The following PRKCSH variants were observed in gnomAD, a reference collection of about 807,000 sequenced individuals.
PRKCSH encodes glucosidase 2 subunit beta.
In PRKCSH, 42 loss-of-function variants were observed where a neutral mutation model predicts 79.7. The ratio of observed to expected loss-of-function variants is 0.53; its 90% CI spans 0.41 to 0.68. The LOEUF is 0.68. PRKCSH is among the 30% of genes least tolerant of loss of function. The pLI is 0.00. For missense variants in PRKCSH, 686 were observed against 709.0 expected (o/e 0.97, Z 0.37); for synonymous variants, 325 against 288.2 (o/e 1.13, Z -1.29).
rs200333191 is a variant in PRKCSH at position 11,448,958 on chromosome 19, C to G, written c.1331C>G (p.Pro444Arg). The G allele has an allele frequency of 6.2e-7, 1 of 1,614,190 alleles. No individual in the cohort carries two copies. Among genetic ancestry groups the G allele is most frequent in the Admixed American group, 1.7e-5 (1 of 60,032 alleles). ...LCPFKLVSQK[P>R]KLGGSPTSLG... The stretch of plus-strand genomic sequence containing the variant: ...CCCTTCAAGCTTGTCTCGCAGAAAC[C>G]CAAACTCGGGGGCTCTCCCACCAGC... Residue 444 changes from proline to arginine, a missense_variant, in exon 15 of 18, where the codon CCC becomes CGC. Pro to Arg is a moderately radical substitution (Grantham distance 103, BLOSUM62 -2). Around this residue, in one of 2 missense-constraint regions of PRKCSH, gnomAD observed 137 missense variants for 188.8 expected, o/e 0.73. Coordinates refer to ENST00000677123, the MANE Select transcript of PRKCSH (RefSeq NM_001289104.2). The surrounding 1 kb of genome is among the most constrained non-coding windows in gnomAD (Gnocchi z 4.4).
intron 6 of PRKCSH, 60 bp from the exon 7 acceptor site, chr19:11,442,326 T>TA: frequency 6.5e-7 from 1 of 1,539,412 alleles, no homozygotes. Context: ...AGGGAGGTAG[T>TA]AGTCAATGAG....
chr19:11,449,566 G>A lies in PRKCSH; in HGVS notation c.*16+138G>A. On this transcript the variant is annotated intron_variant, in intron 17 of 17. Transcript: ENST00000677123. The surrounding 1 kb of genome is among the most constrained non-coding windows in gnomAD (Gnocchi z 6.4). ...CTTTTTTGTTTTGTTTTTTTGAGGT[G>A]GAGTCTCACTCTTTGGCCCAGGCTG... The A allele has an allele frequency of 8.3e-7, 1 of 1,200,646 alleles. No homozygotes were observed. Among genetic ancestry groups the A allele is most frequent in the South Asian group, 1.4e-5 (1 of 71,402 alleles). The allele number at this position is 1,200,646 out of a possible 1,614,324, so 74.4% of individuals were successfully genotyped here. A position where few individuals can be genotyped will look rare whatever the true frequency, so the allele number is the denominator to read the frequency against.
At chr19:11,441,072 A>T in intron 5 of PRKCSH, 168 bp from the exon 6 acceptor site, 1 of 732,460 alleles carries the variant, frequency 1.4e-6, no homozygotes, top group African/African-American at 1.7e-5. Flanking sequence ...TTTCAAGGAC[A>T]GGAATGAAGG....
Position 11,442,413 on chromosome 19 carries a change from A to G in PRKCSH, c.496A>G (p.Lys166Glu), listed in dbSNP as rs767261394. Residue 166 changes from lysine to glutamate, a missense_variant, in exon 7 of 18, where the codon AAG becomes GAG. Around this residue, in one of 2 missense-constraint regions of PRKCSH, gnomAD observed 549 missense variants for 520.2 expected, o/e 1.06. Transcript: ENST00000677123. ...QKKLIELQAG[K>E]KSLEDQVEML... ...AAAGCTCATTGAGCTACAGGCTGGGAAGAAGTCTCTGGAAGACCAGGTGGA... is the reference window on the plus strand; with the variant it reads ...AAAGCTCATTGAGCTACAGGCTGGGGAGAAGTCTCTGGAAGACCAGGTGGA... 8 of 1,609,494 alleles carry G rather than the reference A, an allele frequency of 5.0e-6. No homozygotes were observed. Among genetic ancestry groups the G allele is most frequent in the Non-Finnish European group, 6.8e-6 (8 of 1,178,054 alleles).
At chr19:11,442,592 T>A in intron 7 of PRKCSH, 77 bp downstream of exon 7, 1 of 1,563,916 alleles carries the variant, frequency 6.4e-7, no homozygotes. Flanking sequence ...TCCCGCTCAT[T>A]ATCTGTTGTC....
chr19:11,447,885 C>T lies in PRKCSH; in HGVS notation c.1126+96C>T. On this transcript the variant is annotated intron_variant, in intron 12 of 17. Transcript: ENST00000677123. This position sits in a 1 kb window ranked among gnomAD's most constrained non-coding sequence, Gnocchi z 5.6. ...GAAGATCCTGAGCTTAGACCCTGCT[C>T]TGACTCGGCCAGCACAAGCCCCAGT... 3.7e-6 allele frequency: 5 copies of T among 1,354,014 alleles called. No homozygotes were observed. In the South Asian group the frequency reaches 7.2e-5, roughly 19 times the overall value. The allele number at this position is 1,354,014 out of a possible 1,614,324, so 83.9% of individuals were successfully genotyped here.
Position 11,442,509 on chromosome 19 carries a change from T to C in PRKCSH, c.592T>C (p.Trp198Arg). Residue 198 changes from tryptophan (W) to arginine (R), a missense_variant, in exon 7 of 18, where the codon TGG becomes CGG. Trp to Arg is a moderately radical substitution (Grantham distance 101). This residue lies in a region of PRKCSH where 549 missense variants were observed against 520.2 expected (regional missense o/e 1.06). Coordinates refer to ENST00000677123, the MANE Select transcript of PRKCSH (RefSeq NM_001289104.2). ...REAKEQHQKL[W>R]EEQLAAAKAQ... is the part of the protein sequence containing the mutation. ...GGCCAAAGAGCAGCACCAGAAGCTG[T>C]GGGAAGGTATGGCAGAAATGGCCAA... 6.2e-7 allele frequency: 1 copy of C among 1,610,230 alleles called. No homozygotes were observed. The highest frequency in any genetic ancestry group is 8.5e-7 in the Non-Finnish European group (1 of 1,178,760).
intron 3 of PRKCSH, 70 bp downstream of exon 3, chr19:11,436,575 G>A: frequency 8.0e-7 from 1 of 1,254,806 alleles, no homozygotes; most frequent in East Asian, 2.5e-5. Flanking sequence ...CTGTCTGTGT[G>A]ACCAAGATAC....
intron 7 of PRKCSH, among the ~76,000 whole-genome samples, chr19:11,443,223 G>T (rs1407258211): frequency 6.6e-6 from 1 of 151,716 alleles, no homozygotes; most frequent in Non-Finnish European, 1.5e-5. Flanking sequence ...GACCACCCTG[G>T]CCAACATGGT....
Position 11,441,911 on chromosome 19 carries a change from G to C in PRKCSH, c.469-475G>C, listed in dbSNP as rs1035599765. Among the ~76,000 whole-genome samples, 3 of 152,216 alleles carry C rather than the reference G, an allele frequency of 2.0e-5. No individual in the cohort carries two copies. The East Asian group carries it at 5.8e-4, about 29-fold the overall frequency. On this transcript the variant is annotated intron_variant, in intron 6 of 17. Coordinates refer to ENST00000677123, the MANE Select transcript of PRKCSH (RefSeq NM_001289104.2). ...GGGCTGCTGGACAAAGGGAAATTCGGGGTAGAGACTTCTTGCCCAGTTCCT... is the reference window on the plus strand; with the variant it reads ...GGGCTGCTGGACAAAGGGAAATTCGCGGTAGAGACTTCTTGCCCAGTTCCT...
At chr19:11,439,324 A>G (rs1969936711) in intron 5 of PRKCSH, among the ~76,000 whole-genome samples, 1 of 152,000 alleles carries the variant, frequency 6.6e-6, no homozygotes, top group East Asian at 1.9e-4. Flanking sequence ...TAATCCCAGC[A>G]TTTTGGGAGG....
At chr19:11,450,308 C>T (rs1173019743) in intron 17 of PRKCSH, 4 of 150,894 alleles carry the variant, frequency 2.7e-5, no homozygotes, top group African/African-American at 9.7e-5. Flanking sequence ...AACCCCATCT[C>T]TACTAAAAAT....
chr19:11,447,764 C>T lies in PRKCSH; in HGVS notation c.1101C>T (p.Asp367=), dbSNP rs553016903. The T allele has an allele frequency of 1.9e-5, 31 of 1,589,818 alleles. No individual in the cohort carries two copies. The highest frequency in any genetic ancestry group is 2.4e-5 in the Non-Finnish European group (28 of 1,169,238). The change falls in exon 12 of 18, where the codon GAC becomes GAT. Residue 367 remains aspartate (D), a synonymous_variant. Transcript: ENST00000677123. The surrounding 1 kb of genome is among the most constrained non-coding windows in gnomAD (Gnocchi z 5.6). The part of the protein sequence containing the change: ...PAEEDKMPPY[D]EQTQAFIDAA... ...AGGAAGACAAAATGCCGCCCTACGA[C>T]GAGCAGACGCAGGCCTTCATCGATG... is the stretch of plus-strand genomic sequence containing the variant.
Position 11,448,982 on chromosome 19 carries a change from G to C in PRKCSH, c.1355G>C (p.Ser452Thr), listed in dbSNP as rs781359541. 8.1e-6 allele frequency: 13 copies of C among 1,614,124 alleles called. No homozygotes were observed. The highest frequency in any genetic ancestry group is 1.1e-5 in the Non-Finnish European group (13 of 1,180,026). The change falls in exon 15 of 18, where the codon AGC becomes ACC. Residue 452 changes from serine (S) to threonine (T), a missense_variant. This residue lies in a region of PRKCSH where 137 missense variants were observed against 188.8 expected (regional missense o/e 0.73). Transcript: ENST00000677123. This position sits in a 1 kb window ranked among gnomAD's most constrained non-coding sequence, Gnocchi z 4.4. ...CCCAAACTCGGGGGCTCTCCCACCA[G>C]CCTTGGGTGAGTGGCTTGGGCTGGC... is the stretch of plus-strand genomic sequence containing the variant. ...QKPKLGGSPTSLGTWGSWIGP... is the reference protein window; with the variant it reads ...QKPKLGGSPTTLGTWGSWIGP...
At chr19:11,443,963 ACGGGGTTTCAC>A (rs1471583449) in intron 7 of PRKCSH, among the ~76,000 whole-genome samples, 1 of 152,026 alleles carries the variant, frequency 6.6e-6, no homozygotes, top group East Asian at 1.9e-4. Flanking sequence ...TTTAGTAGAG[ACGGGGTTTCAC>A]CGTGTTGGCC....
Position 11,447,983 on chromosome 19 carries a change from C to A in PRKCSH, c.1126+194C>A. On this transcript the variant is annotated intron_variant, in intron 12 of 17. Coordinates refer to ENST00000677123, the MANE Select transcript of PRKCSH (RefSeq NM_001289104.2). This position sits in a 1 kb window ranked among gnomAD's most constrained non-coding sequence, Gnocchi z 5.6. ...TCGCCAGCCCCAAGGGGCCCTTCTG[C>A]CTCCCCAAGGGCCGCAGCTTGTTTG... 2.6e-6 allele frequency: 2 copies of A among 776,796 alleles called. No individual in the cohort carries two copies. The highest frequency in any genetic ancestry group is 4.1e-6 in the Non-Finnish European group (2 of 491,356). 48.1% of individuals were successfully genotyped at this position (776,796 alleles called of 1,614,324 possible). A position where few individuals can be genotyped will look rare whatever the true frequency, so the allele number is the denominator to read the frequency against.
At chr19:11,441,390 T>G (rs1366478233) in intron 6 of PRKCSH, 33 bp downstream of exon 6, 3 of 1,603,872 alleles carry the variant, frequency 1.9e-6, no homozygotes, top group South Asian at 2.2e-5. Context: ...CCCAGGGTGA[T>G]CTGGGCCTTG....
At chr19:11,446,914 C>T (rs924734634) in intron 9 of PRKCSH, among the ~76,000 whole-genome samples, 160 bp from the exon 10 acceptor site, 1 of 152,196 alleles carries the variant, frequency 6.6e-6, no homozygotes, top group Admixed American at 6.5e-5. Flanking sequence ...CCTGTGCTGC[C>T]CCCTCCTGGC....
At position 11,445,671 on chromosome 19, in the gene PRKCSH, G is replaced by A. The variant is rs535700124; in HGVS notation, c.683+198G>A. 10 of 645,492 alleles carry A rather than the reference G, an allele frequency of 1.5e-5. No homozygotes were observed. The South Asian group carries it at 1.7e-4, about 11-fold the overall frequency. 40.0% of individuals were successfully genotyped at this position (645,492 alleles called of 1,614,324 possible). A position where few individuals can be genotyped will look rare whatever the true frequency, so the allele number is the denominator to read the frequency against. ...GGATGCCCTGGGCGAGGAGATAGGG[G>A]GACCACCCTCTCCCCAGGAGCTGGG... On this transcript the variant is annotated intron_variant, in intron 8 of 17. Transcript: ENST00000677123.
Sources: gnomAD v4.1 joint callset for allele counts (sites outside exome capture counted in the v4.1 genomes callset) on GRCh38, gnomAD v4.1.1 for gene constraint, gnomAD v4.1.1 regional missense constraint, Gnocchi (gnomAD v3.1) non-coding constraint, MANE v1.5 for transcripts, NCBI Gene and HGNC (gene_info 2026-07-23, HGNC 2026-07-21) for gene names.